LARP1: variants seen among roughly 807,000 people sequenced by gnomAD.
LARP1 encodes la-related protein 1.
A neutral mutation model predicts 122.7 loss-of-function variants in LARP1; 36 were observed. That is an observed-to-expected ratio of 0.29 (90% CI 0.22 to 0.39). The LOEUF (loss-of-function observed/expected upper bound fraction) is 0.39. LARP1 is among the 10% of genes least tolerant of loss of function. LARP1 has a pLI of 1.00. For missense variants in LARP1, 1,040 were observed against 1,403.6 expected (o/e 0.74, Z 4.14); for synonymous variants, 539 against 528.7 (o/e 1.02, Z -0.27).
chr5:154,807,885 GTTA>G (rs1390602143), intron 15 of LARP1, among the ~76,000 whole-genome samples: 1 of 152,168 alleles, frequency 6.6e-6, no homozygotes, highest in African/African-American at 2.4e-5. Flanking sequence ...TGTTTTTCTA[GTTA>G]TTAAGTTGTA....
intron 1 of LARP1, among the ~76,000 whole-genome samples, chr5:154,691,195 G>A (rs1046292702): frequency 2.0e-5 from 3 of 150,846 alleles, no homozygotes; most frequent in Non-Finnish European, 2.9e-5. Flanking sequence ...CCGGGAGGCG[G>A]AGCTTGCAGT....
At chr5:154,710,922 A>T (rs771532249), upstream of LARP1, among the ~76,000 whole-genome samples, 2 of 152,128 alleles carry the variant, frequency 1.3e-5, no homozygotes, top group African/African-American at 2.4e-5. Context: ...CAACAGTCTC[A>T]GAATAATACC....
At chr5:154,688,385 C>T (rs974061464) in intron 1 of LARP1, among the ~76,000 whole-genome samples, 5 of 151,866 alleles carry the variant, frequency 3.3e-5, no homozygotes, top group Admixed American at 6.6e-5. Context: ...GCAGGCCAGG[C>T]GAGGTGGGTC....
At chr5:154,801,246 T>G (rs1758330240) in intron 10 of LARP1, among the ~76,000 whole-genome samples, 1 of 152,252 alleles carries the variant, frequency 6.6e-6, no homozygotes, top group South Asian at 2.1e-4. Flanking sequence ...ACAATGGTAT[T>G]CTTTCTGCCT....
At chr5:154,800,521 G>T (rs1245525803) in intron 10 of LARP1, among the ~76,000 whole-genome samples, 1 of 152,136 alleles carries the variant, frequency 6.6e-6, no homozygotes, top group East Asian at 1.9e-4. Flanking sequence ...TAATGGCAAG[G>T]TGACCTTGGG....
intron 1 of LARP1, among the ~76,000 whole-genome samples, chr5:154,769,924 A>G (rs1479151475): frequency 6.6e-6 from 1 of 152,172 alleles, no homozygotes; most frequent in African/African-American, 2.4e-5. Flanking sequence ...CCAGGTGGTA[A>G]TGAGTTTAGA....
In LARP1 at chr5:154,802,235, A is replaced by T. The variant is rs1758408779; in HGVS notation, c.1945A>T (p.Thr649Ser). 6.2e-7 allele frequency: 1 copy of T among 1,614,058 alleles called. No individual in the cohort carries two copies. Among genetic ancestry groups the T allele is most frequent in the Admixed American group, 1.7e-5 (1 of 60,000 alleles). The part of the protein sequence containing the change: ...DVNKILIVTQ[T>S]PHYMRRHPGG... ...CAACAAGATCCTCATTGTCACCCAG[A>T]CACCACATTACATGCGCCGGCACCC... Residue 649 changes from threonine (T) to serine (S), a missense_variant, in exon 11 of 19, where the codon ACA becomes TCA. Coordinates refer to ENST00000518297, the MANE Select transcript of LARP1 (RefSeq NM_033551.3). This position sits in a 1 kb window ranked among gnomAD's most constrained non-coding sequence, Gnocchi z 5.1.
At chr5:154,786,020 C>A (rs971917612) in intron 1 of LARP1, among the ~76,000 whole-genome samples, 2 of 152,166 alleles carry the variant, frequency 1.3e-5, no homozygotes, top group Non-Finnish European at 2.9e-5. Flanking sequence ...CAGATTGCTT[C>A]TTGCACATAG....
chr5:154,742,149 T>C (rs1481368752), intron 1 of LARP1, among the ~76,000 whole-genome samples: 2 of 152,216 alleles, frequency 1.3e-5, no homozygotes, highest in Non-Finnish European at 2.9e-5. Flanking sequence ...ACTTCACTCC[T>C]GTGATCATCC....
chr5:154,734,848 G>A (rs572037734), intron 1 of LARP1, among the ~76,000 whole-genome samples: 89 of 152,190 alleles, frequency 5.8e-4, no homozygotes, highest in Non-Finnish European at 1.1e-3. Context: ...CCAGGCCCTG[G>A]TAACCAGCAT....
At chr5:154,761,358 T>TA (rs201142499) in intron 1 of LARP1, among the ~76,000 whole-genome samples, 1,738 of 152,284 alleles carry the variant, frequency 0.011, 32 homozygotes, top group African/African-American at 0.04. Flanking sequence ...GGTCGGGGTC[T>TA]TTCTGCTGAC....
chr5:154,813,896 G>T lies in LARP1; in HGVS notation c.3091G>T (p.Gly1031Cys). 1 of 1,613,668 alleles carries T rather than the reference G, an allele frequency of 6.2e-7. No homozygotes were observed. ...LEDFRVDPPM[G>C]EEGNHKRHSV... ...CCTTCCTCTGTTGCAGCCCCCCATG[G>T]GTGAGGAGGGCAACCACAAGCGACA... is the stretch of plus-strand genomic sequence containing the variant. The change falls in exon 19 of 19, where the codon GGT becomes TGT. Residue 1031 changes from glycine to cysteine, a missense_variant. Physicochemically the swap from Gly to Cys is radical, Grantham distance 159 (BLOSUM62 -3). Transcript: ENST00000518297.
rs1465034714 is a variant in LARP1, at chr5:154,803,213, C to T, written c.2110-77C>T. On this transcript the variant is annotated intron_variant, in intron 11 of 18. Transcript: ENST00000518297. This position sits in a 1 kb window ranked among gnomAD's most constrained non-coding sequence, Gnocchi z 4.4. ...GGGAGCTGCCCTCTCCAACTTCCTG[C>T]CAGTCTTGATTCCTTAAACAGGCTA... The T allele has an allele frequency of 1.9e-6, 3 of 1,586,756 alleles. No individual in the cohort carries two copies. In the African/African-American group the frequency reaches 4.0e-5, roughly 21 times the overall value.
At chr5:154,776,762 A>C (rs1755920294) in intron 1 of LARP1, among the ~76,000 whole-genome samples, 1 of 152,212 alleles carries the variant, frequency 6.6e-6, no homozygotes, top group South Asian at 2.1e-4. Context: ...TGGTATTGCA[A>C]GCCTGCTAGC....
chr5:154,776,515 G>T (rs1755897630), intron 1 of LARP1, among the ~76,000 whole-genome samples: 1 of 152,210 alleles, frequency 6.6e-6, no homozygotes, highest in African/African-American at 2.4e-5. Flanking sequence ...GTCTATACAA[G>T]TGAGACCCTG....
chr5:154,795,572 G>C lies in LARP1; in HGVS notation c.1377+253G>C, dbSNP rs1757682678. ...CCATCATCAGCTTCGGCAGGTATCA[G>C]TTTATGGCTAATCTTATTCCATCTG... On this transcript the variant is annotated intron_variant, in intron 8 of 18. Coordinates refer to ENST00000518297, the MANE Select transcript of LARP1 (RefSeq NM_033551.3). Among the ~76,000 whole-genome samples, 8 of 151,828 alleles carry C rather than the reference G, an allele frequency of 5.3e-5. No homozygotes were observed. The South Asian group carries it at 1.7e-3, about 31-fold the overall frequency.
At chr5:154,700,141 A>T (rs1253591050) in intron 1 of LARP1, among the ~76,000 whole-genome samples, 4 of 152,212 alleles carry the variant, frequency 2.6e-5, no homozygotes, top group African/African-American at 7.2e-5. Context: ...GTGCAAAAAA[A>T]TGCAGTAATC....
At chr5:154,796,040 AT>A (rs1281874081) in intron 8 of LARP1, among the ~76,000 whole-genome samples, 2 of 111,246 alleles carry the variant, frequency 1.8e-5, no homozygotes, top group African/African-American at 7.3e-5. Flanking sequence ...TTTTATATAT[AT>A]TATATATTTA....
intron 1 of LARP1, among the ~76,000 whole-genome samples, chr5:154,764,961 A>G (rs1426488139): frequency 2.0e-5 from 3 of 151,874 alleles, no homozygotes; most frequent in African/African-American, 4.8e-5. Flanking sequence ...AAATGCTTGT[A>G]CCGCCTCGTC....
Sources: gnomAD v4.1 joint callset for allele counts (sites outside exome capture counted in the v4.1 genomes callset) on GRCh38, gnomAD v4.1.1 for gene constraint, Gnocchi (gnomAD v3.1) non-coding constraint, MANE v1.5 for transcripts, NCBI Gene and HGNC (gene_info 2026-07-23, HGNC 2026-07-21) for gene names.